The following MAML3 variants were observed in gnomAD, a reference collection of about 807,000 sequenced individuals.
MAML3 encodes mastermind-like protein 3.
Under a neutral mutation model 101.9 loss-of-function variants are expected in MAML3, and 27 were observed. The observed-to-expected ratio is 0.27, with a 90% confidence interval of 0.20 to 0.37. The LOEUF is 0.37. Ranked by LOEUF, MAML3 falls within the 10% of genes least tolerant of loss-of-function variation. The probability of loss-of-function intolerance (pLI) is 1.00; values close to 1 mark genes in which losing one functional copy is unlikely to be tolerated. For missense variants in MAML3, 1,316 were observed against 1,444.9 expected, an observed-to-expected ratio of 0.91 and a Z score of 1.45; for synonymous variants, 501 against 555.9, an observed-to-expected ratio of 0.90 and a Z score of 1.39.
At chr4:139,816,673 C>A (rs1192353458) in intron 2 of MAML3, among the ~76,000 whole-genome samples, 3 of 152,060 alleles carry the variant, frequency 2.0e-5, no homozygotes, top group Non-Finnish European at 2.9e-5. Flanking sequence ...GATGTCAATC[C>A]AGTTCAATTT....
At chr4:139,790,560 G>A (rs1402124259) in intron 2 of MAML3, among the ~76,000 whole-genome samples, 2 of 151,576 alleles carry the variant, frequency 1.3e-5, no homozygotes, top group African/African-American at 2.4e-5. Context: ...ACCTTTCCCC[G>A]CCTGCACCTG....
chr4:139,769,469 T>A (rs1160124051), intron 2 of MAML3, among the ~76,000 whole-genome samples: 4 of 152,194 alleles, frequency 2.6e-5, no homozygotes, highest in Admixed American at 2.0e-4. Context: ...TGATGAGCCT[T>A]TCCTAGGGAA....
chr4:140,011,125 A>G (rs188580552), intron 1 of MAML3, among the ~76,000 whole-genome samples: 35,193 of 105,004 alleles, frequency 0.34, 5,838 homozygotes, highest in Middle Eastern at 0.39. Flanking sequence ...GTGTGTGTAT[A>G]TATATATATA....
chr4:140,143,094 T>C (rs184125383), intron 1 of MAML3, among the ~76,000 whole-genome samples: 10 of 152,322 alleles, frequency 6.6e-5, no homozygotes, highest in Admixed American at 5.9e-4. Context: ...TAAATGTTAG[T>C]TTTTTAAAGT....
intron 2 of MAML3, among the ~76,000 whole-genome samples, chr4:139,879,822 C>A (rs936346259): frequency 4.6e-5 from 7 of 152,150 alleles, no homozygotes; most frequent in Non-Finnish European, 8.8e-5. Flanking sequence ...TCTCAGCAAA[C>A]AAGAATATTC....
At chr4:139,760,853 G>C (rs986224071) in intron 2 of MAML3, among the ~76,000 whole-genome samples, 1 of 152,216 alleles carries the variant, frequency 6.6e-6, no homozygotes, top group Non-Finnish European at 1.5e-5. Context: ...AAAGAAAAAT[G>C]AGTACAGGAT....
chr4:139,981,184 A>G (rs1356039335), intron 1 of MAML3, among the ~76,000 whole-genome samples: 1 of 152,344 alleles, frequency 6.6e-6, no homozygotes, highest in African/African-American at 2.4e-5. Flanking sequence ...CTTGGCTTGC[A>G]GACAGCTGCC....
intron 1 of MAML3, among the ~76,000 whole-genome samples, chr4:140,068,052 C>T (rs1727570193): frequency 6.6e-6 from 1 of 152,100 alleles, no homozygotes; most frequent in Non-Finnish European, 1.5e-5. Context: ...TCTTAATCTG[C>T]TTTTTGTGAA....
intron 2 of MAML3, among the ~76,000 whole-genome samples, chr4:139,755,759 G>T (rs1729636010): frequency 6.6e-6 from 1 of 152,178 alleles, no homozygotes; most frequent in Admixed American, 6.5e-5. Flanking sequence ...AACAGGCCAG[G>T]AAGTGCCTGA....
chr4:140,153,100 C>T lies in MAML3; in HGVS notation c.228G>A (p.Arg76=), dbSNP rs1232957090. ...AVPKHSTVVE[R]LRQRIEGCRR... ...GGCAGCCCTCGATGCGCTGGCGGAG[C>T]CGCTCCACCACGGTGCTGTGCTTGG... The change falls in exon 1 of 5, where the codon CGG becomes CGA. Residue 76 remains arginine, a synonymous_variant. Coordinates refer to ENST00000509479, the MANE Select transcript of MAML3 (RefSeq NM_018717.5). 7.7e-6 allele frequency: 12 copies of T among 1,552,362 alleles called. No homozygotes were observed. The highest frequency in any genetic ancestry group is 1.0e-5 in the Non-Finnish European group (12 of 1,147,680).
intron 4 of MAML3, among the ~76,000 whole-genome samples, chr4:139,721,684 A>G (rs575286711): frequency 2.0e-5 from 3 of 152,366 alleles, no homozygotes; most frequent in African/African-American, 7.2e-5. Flanking sequence ...CTTGAGATCA[A>G]TATCATACTG....
In MAML3 at chr4:140,128,965, T is replaced by C. The variant is rs6849482; in HGVS notation, c.468+23895A>G. On this transcript the variant is annotated intron_variant, in intron 1 of 4. Transcript: ENST00000509479. ...CGAAGACCTAAATCCACTGGTCTCC[T>C]TCTAGGACCAACATCGAGAGGTCAT... 5.1e-3 allele frequency among the ~76,000 whole-genome samples: 770 copies of C among 152,246 alleles called. 3 individuals carry two copies. The highest frequency in any genetic ancestry group is 0.017 in the African/African-American group (704 of 41,538).
At position 139,842,967 on chromosome 4, in the gene MAML3, G is replaced by A. The variant is rs114141313; in HGVS notation, c.2079+46390C>T. Among the ~76,000 whole-genome samples, 808 of 151,372 alleles carry A rather than the reference G, an allele frequency of 5.3e-3. 10 individuals are homozygous for A. The highest frequency in any genetic ancestry group is 0.019 in the African/African-American group (783 of 41,210). ...TAAGTTTTGTATTTCTAGTAAAGTCGGGGGGTTTTCACCATGATGGCCAGG... is the reference window on the plus strand; with the variant it reads ...TAAGTTTTGTATTTCTAGTAAAGTCAGGGGGTTTTCACCATGATGGCCAGG... On this transcript the variant is annotated intron_variant, in intron 2 of 4. Coordinates refer to ENST00000509479, the MANE Select transcript of MAML3 (RefSeq NM_018717.5).
chr4:139,839,071 T>C (rs530146221), intron 2 of MAML3, among the ~76,000 whole-genome samples: 15 of 152,354 alleles, frequency 9.8e-5, no homozygotes, highest in Admixed American at 5.2e-4. Context: ...TTAAGAGAGC[T>C]GACTGCTTGA....
At chr4:139,991,629 T>C (rs1162503638) in intron 1 of MAML3, among the ~76,000 whole-genome samples, 1 of 152,220 alleles carries the variant, frequency 6.6e-6, no homozygotes, top group Non-Finnish European at 1.5e-5. Context: ...AAAAAGTTAC[T>C]TCTGTGCCAA....
At chr4:139,772,916 TAAA>T (rs368411036) in intron 2 of MAML3, among the ~76,000 whole-genome samples, 1 of 139,294 alleles carries the variant, frequency 7.2e-6, no homozygotes, top group African/African-American at 2.6e-5. Flanking sequence ...CATCTCTACT[TAAA>T]AAAAAAAAAA....
At chr4:140,101,770 T>C (rs1456848686) in intron 1 of MAML3, among the ~76,000 whole-genome samples, 1 of 152,084 alleles carries the variant, frequency 6.6e-6, no homozygotes, top group Non-Finnish European at 1.5e-5. Context: ...GGTACTATCA[T>C]CATTTTGCAA....
intron 2 of MAML3, among the ~76,000 whole-genome samples, chr4:139,813,518 T>C (rs1243876789): frequency 6.6e-6 from 1 of 152,204 alleles, no homozygotes; most frequent in African/African-American, 2.4e-5. Flanking sequence ...TCAAAATTCC[T>C]CCTGAAAGTT....
chr4:139,825,875 A>G (rs1731052937), intron 2 of MAML3, among the ~76,000 whole-genome samples: 2 of 152,084 alleles, frequency 1.3e-5, no homozygotes, highest in African/African-American at 4.8e-5. Context: ...GTGAAGGGAG[A>G]AGAGAGGAGG....
Sources: gnomAD v4.1 joint callset for allele counts (sites outside exome capture counted in the v4.1 genomes callset) on GRCh38, gnomAD v4.1.1 for gene constraint, MANE v1.5 for transcripts, NCBI Gene and HGNC (gene_info 2026-07-23, HGNC 2026-07-21) for gene names.